UROS: variants seen among roughly 807,000 people sequenced by gnomAD.
UROS encodes the protein uroporphyrinogen-III synthase.
Under a neutral mutation model 33.0 loss-of-function variants are expected in UROS, and 18 were observed. The ratio of observed to expected loss-of-function variants is 0.55; its 90% CI spans 0.38 to 0.81. The LOEUF is 0.81. Ranked by LOEUF, UROS falls within the 30% of genes least tolerant of loss-of-function variation. The pLI, the probability that UROS is intolerant of heterozygous loss-of-function variation, is 0.00. For synonymous variants in UROS, 114 were observed against 121.1 expected (o/e 0.94, Z 0.38); for missense variants, 293 against 314.9 (o/e 0.93, Z 0.53).
intron 6 of UROS, among the ~76,000 whole-genome samples, chr10:125,799,391 C>G (rs1189079447): frequency 6.6e-6 from 1 of 152,172 alleles, no homozygotes; most frequent in Non-Finnish European, 1.5e-5. Context: ...TTCCCCGTTT[C>G]TGTGTGTCTA....
intron 6 of UROS, among the ~76,000 whole-genome samples, chr10:125,799,721 A>G (rs987354303): frequency 3.3e-5 from 5 of 152,100 alleles, no homozygotes; most frequent in Admixed American, 6.5e-5. Context: ...AGGGCCCACA[A>G]ATGTCCAACC....
At position 125,816,650 on chromosome 10, in the gene UROS, CACCATG is replaced by C; in HGVS notation, c.-26-131_-26-126del. The stretch of plus-strand genomic sequence containing the variant: ...TTGTGGAAGAGACCTATCCCTCCTA[CACCATG>C]ACTTAGCACTAATGGGCTTGTTCTT... On this transcript the variant is annotated intron_variant, in intron 1 of 9. Coordinates refer to ENST00000368797, the MANE Select transcript of UROS (RefSeq NM_000375.3). The C allele has an allele frequency of 6.7e-6, 6 of 895,210 alleles. No individual in the cohort carries two copies. The South Asian group carries it at 8.5e-5, about 13-fold the overall frequency. The allele number at this position is 895,210 out of a possible 1,614,324, so 55.5% of individuals were successfully genotyped here. A position where few individuals can be genotyped will look rare whatever the true frequency, so the allele number is the denominator to read the frequency against.
chr10:125,810,940 T>C (rs1162350494), intron 5 of UROS, among the ~76,000 whole-genome samples: 1 of 152,252 alleles, frequency 6.6e-6, no homozygotes, highest in Non-Finnish European at 1.5e-5. Context: ...ATTTAGAACA[T>C]GTCCTTTTCC....
At chr10:125,797,838 C>G (rs538754199) in intron 7 of UROS, among the ~76,000 whole-genome samples, 1 of 152,228 alleles carries the variant, frequency 6.6e-6, no homozygotes, top group Non-Finnish European at 1.5e-5. Flanking sequence ...ACTGTGTGCT[C>G]CTAGCTTGAG....
At chr10:125,800,432 T>C (rs981182010) in intron 6 of UROS, among the ~76,000 whole-genome samples, 1 of 152,206 alleles carries the variant, frequency 6.6e-6, no homozygotes, top group African/African-American at 2.4e-5. Context: ...GCGGAGTCAC[T>C]AGGATTCGCA....
chr10:125,812,123 AAAT>A (rs1852869326), intron 5 of UROS, 88 bp downstream of exon 5: 3 of 1,312,018 alleles, frequency 2.3e-6, no homozygotes, highest in Non-Finnish European at 3.2e-6. Context: ...AATAAGCAAA[AAAT>A]AATATTTTTA....
chr10:125,794,787 T>A, intron 9 of UROS, 93 bp downstream of exon 9: 1 of 1,237,170 alleles, frequency 8.1e-7, no homozygotes, highest in Non-Finnish European at 1.1e-6. Context: ...GCCAGGGGTG[T>A]CTCACTTGAC....
chr10:125,785,824 C>G (rs903411956), downstream of UROS: 4 of 152,272 alleles, frequency 2.6e-5, no homozygotes, highest in African/African-American at 9.6e-5. Flanking sequence ...TTCAGCAACT[C>G]TCCTCCATCC....
chr10:125,791,506 G>A (rs1470905250), intron 9 of UROS: 4 of 152,120 alleles, frequency 2.6e-5, no homozygotes, highest in Non-Finnish European at 5.9e-5. Flanking sequence ...GAAAATGTAT[G>A]TCCACACAGA....
At chr10:125,809,517 C>T (rs1321286581) in intron 5 of UROS, among the ~76,000 whole-genome samples, 1 of 152,180 alleles carries the variant, frequency 6.6e-6, no homozygotes, top group Non-Finnish European at 1.5e-5. Flanking sequence ...ACAATAGATT[C>T]TTGGAAATTG....
rs528204124 is a variant in UROS, at chr10:125,822,132, C to A, written c.-27+897G>T. Among the ~76,000 whole-genome samples, 4 of 152,258 alleles carry A rather than the reference C, an allele frequency of 2.6e-5. No individual in the cohort carries two copies. The East Asian group carries it at 7.7e-4, about 29-fold the overall frequency. Reference sequence around the variant, plus strand: ...ACAGAGAAAAATCAATTGAGAACCGCAGATCTTATTCCTAGAAAGCTGATG... The same window carrying A: ...ACAGAGAAAAATCAATTGAGAACCGAAGATCTTATTCCTAGAAAGCTGATG... On this transcript the variant is annotated intron_variant, in intron 1 of 9. Coordinates refer to ENST00000368797, the MANE Select transcript of UROS (RefSeq NM_000375.3).
At chr10:125,819,917 T>G (rs745383418) in intron 1 of UROS, 2 of 152,182 alleles carry the variant, frequency 1.3e-5, no homozygotes, top group Non-Finnish European at 2.9e-5. Context: ...TACAGTCTAA[T>G]GCTTGCTCTG....
chr10:125,809,865 A>G (rs1852649393), intron 5 of UROS, among the ~76,000 whole-genome samples: 1 of 152,210 alleles, frequency 6.6e-6, no homozygotes, highest in South Asian at 2.1e-4. Flanking sequence ...GCACCCAGCC[A>G]GCATGTACTT....
chr10:125,821,058 T>A (rs1447153220), intron 1 of UROS, among the ~76,000 whole-genome samples: 1 of 152,204 alleles, frequency 6.6e-6, no homozygotes, highest in Non-Finnish European at 1.5e-5. Flanking sequence ...TGTGAAAGAT[T>A]TGCAAACTAC....
At chr10:125,807,303 T>A in intron 6 of UROS, 110 bp downstream of exon 6, 1 of 947,072 alleles carries the variant, frequency 1.1e-6, no homozygotes, top group East Asian at 2.5e-5. Context: ...TGCTCACCAA[T>A]CAATCTCACC....
At chr10:125,813,997 C>T (rs1418009722) in intron 4 of UROS, among the ~76,000 whole-genome samples, 1 of 152,232 alleles carries the variant, frequency 6.6e-6, no homozygotes, top group Admixed American at 6.5e-5. Context: ...CAGCTTGAAT[C>T]CTGCACTTGT....
intron 9 of UROS, 84 bp downstream of exon 9, chr10:125,794,796 A>T: frequency 7.5e-7 from 1 of 1,332,106 alleles, no homozygotes; most frequent in South Asian, 1.3e-5. Context: ...GTCTCACTTG[A>T]CATTGAAGCC....
chr10:125,822,787 C>T (rs1854101456), intron 1 of UROS, among the ~76,000 whole-genome samples: 1 of 152,290 alleles, frequency 6.6e-6, no homozygotes, highest in South Asian at 2.1e-4. Context: ...ACTGCGGTGC[C>T]GGCTTTAAAA....
Position 125,788,844 on chromosome 10 carries a change from T to C in UROS, c.*24A>G, listed in dbSNP as rs760003189. 106 of 1,565,950 alleles carry C rather than the reference T, an allele frequency of 6.8e-5. No individual in the cohort carries two copies. Among genetic ancestry groups the C allele is most frequent in the Non-Finnish European group, 9.0e-5 (104 of 1,156,868 alleles). On this transcript the variant is annotated 3_prime_UTR_variant, in exon 10 of 10. Transcript: ENST00000368797. ...GCCAGCCCAGCCCAGGGAGGCTGCA[T>C]GGGGCCAGCGCTAGGTGGCTGACTC...
Sources: gnomAD v4.1 joint callset for allele counts (sites outside exome capture counted in the v4.1 genomes callset) on GRCh38, gnomAD v4.1.1 for gene constraint, MANE v1.5 for transcripts, NCBI Gene and HGNC (gene_info 2026-07-23, HGNC 2026-07-21) for gene names.